Variants in AUTS2 observed in about 807,000 individuals in gnomAD.
The protein encoded by AUTS2 is autism susceptibility gene 2 protein.
AUTS2 carries 17 observed loss-of-function variants against 112.4 expected under a neutral mutation model. That is an observed-to-expected ratio of 0.15 (90% CI 0.10 to 0.23). The LOEUF is 0.23. Ranked by LOEUF, AUTS2 falls within the 10% of genes least tolerant of loss-of-function variation. AUTS2 has a pLI of 1.00. For missense variants in AUTS2, 1,510 were observed against 1,701.6 expected, an observed-to-expected ratio of 0.89 and a Z score of 1.98; for synonymous variants, 751 against 702.7, an observed-to-expected ratio of 1.07 and a Z score of -1.09.
intron 5 of AUTS2, among the ~76,000 whole-genome samples, chr7:70,514,920 C>A (rs985501795): frequency 2.0e-5 from 3 of 152,178 alleles, no homozygotes; most frequent in African/African-American, 4.8e-5. Flanking sequence ...TCTTTTTACA[C>A]ATTTATAGGC....
Position 70,682,319 on chromosome 7 carries a change from A to G in AUTS2, c.691-16250A>G, listed in dbSNP as rs115473447. Among the ~76,000 whole-genome samples, 988 of 152,338 alleles carry G rather than the reference A, an allele frequency of 6.5e-3. 11 individuals are homozygous for G. The highest frequency in any genetic ancestry group is 0.02 in the African/African-American group (851 of 41,578). On this transcript the variant is annotated intron_variant, in intron 5 of 18. Transcript: ENST00000342771. ...GTTTTGGATAAAAGAAGGGATTACT[A>G]AAGACTTTTTAGTTGTACAAACATT...
intron 4 of AUTS2, among the ~76,000 whole-genome samples, chr7:70,177,631 C>T (rs1325155878): frequency 1.3e-5 from 2 of 152,074 alleles, no homozygotes; most frequent in African/African-American, 4.8e-5. Flanking sequence ...AATGAGGGAG[C>T]AGACATTTGA....
At chr7:70,302,334 G>C (rs1266190920) in intron 4 of AUTS2, among the ~76,000 whole-genome samples, 1 of 151,990 alleles carries the variant, frequency 6.6e-6, no homozygotes, top group Non-Finnish European at 1.5e-5. Flanking sequence ...AAGCTGGGGA[G>C]ATTGAGGCTG....
rs541911623 is a variant in AUTS2, at chr7:70,528,720, G to A, written c.690+92939G>A. Among the ~76,000 whole-genome samples the A allele has an allele frequency of 8.6e-5, 13 of 151,972 alleles. No homozygotes were observed. In the South Asian group the frequency reaches 2.7e-3, roughly 32 times the overall value. ...GAGCCCAGGAGATCGAGGCTGTAGG[G>A]TGCTAGTTCAGGGCTGTTGTGCACT... On this transcript the variant is annotated intron_variant, in intron 5 of 18. Coordinates refer to ENST00000342771, the MANE Select transcript of AUTS2 (RefSeq NM_015570.4).
intron 4 of AUTS2, among the ~76,000 whole-genome samples, chr7:70,391,011 T>C (rs1428601001): frequency 1.3e-5 from 2 of 152,204 alleles, no homozygotes; most frequent in African/African-American, 4.8e-5. Context: ...GTGAAGGAAC[T>C]GAATGCCCTA....
chr7:70,597,747 A>G (rs1218733018), intron 5 of AUTS2, among the ~76,000 whole-genome samples: 1 of 152,192 alleles, frequency 6.6e-6, no homozygotes, highest in Non-Finnish European at 1.5e-5. Flanking sequence ...TGGGATGCAC[A>G]TATTTATTTC....
chr7:69,628,599 G>A (rs1794072468), intron 1 of AUTS2, among the ~76,000 whole-genome samples: 1 of 152,252 alleles, frequency 6.6e-6, no homozygotes, highest in Middle Eastern at 3.4e-3. Context: ...AGCATGGCTG[G>A]GGAGGCCTCA....
intron 1 of AUTS2, among the ~76,000 whole-genome samples, chr7:69,640,917 T>C (rs1335635883): frequency 1.3e-5 from 2 of 152,256 alleles, no homozygotes; most frequent in South Asian, 2.1e-4. Context: ...GGTAGACTTG[T>C]AGATTTTTTT....
chr7:70,003,051 A>G (rs908909103), intron 2 of AUTS2, among the ~76,000 whole-genome samples: 2 of 149,970 alleles, frequency 1.3e-5, no homozygotes, highest in Non-Finnish European at 3.0e-5. Flanking sequence ...AGCATCTTTC[A>G]AAGAGTAGGG....
intron 1 of AUTS2, among the ~76,000 whole-genome samples, chr7:69,748,566 G>A (rs1229839042): frequency 6.6e-6 from 1 of 152,132 alleles, no homozygotes; most frequent in African/African-American, 2.4e-5. Context: ...CAATCAGCTA[G>A]GTAGAGATAA....
chr7:69,929,424 G>A (rs1796146227), intron 2 of AUTS2, among the ~76,000 whole-genome samples: 1 of 151,296 alleles, frequency 6.6e-6, no homozygotes, highest in Admixed American at 6.6e-5. Flanking sequence ...GGAAATTTTG[G>A]GTTATTATTT....
chr7:70,411,845 A>G (rs912300551), intron 4 of AUTS2, among the ~76,000 whole-genome samples: 1 of 151,968 alleles, frequency 6.6e-6, no homozygotes, highest in African/African-American at 2.4e-5. Flanking sequence ...TTTGGGAAAC[A>G]GGACAAAACA....
At chr7:69,990,030 G>A (rs1474766664) in intron 2 of AUTS2, among the ~76,000 whole-genome samples, 2 of 152,160 alleles carry the variant, frequency 1.3e-5, no homozygotes, top group African/African-American at 2.4e-5. Flanking sequence ...TGAAACCGGT[G>A]CCTGATGCCA....
chr7:69,777,191 C>T (rs573584600), intron 1 of AUTS2, among the ~76,000 whole-genome samples: 1 of 152,300 alleles, frequency 6.6e-6, no homozygotes, highest in African/African-American at 2.4e-5. Flanking sequence ...CTGGAGAAGG[C>T]TGCCAGTATG....
chr7:70,665,451 C>CTATTTATTTATTTATTTATT (rs140760249), intron 5 of AUTS2, among the ~76,000 whole-genome samples: 130 of 147,118 alleles, frequency 8.8e-4, no homozygotes, highest in African/African-American at 2.1e-3. Flanking sequence ...ATCTATTTAT[C>CTATTTATTTATTTATTTATT]TATTTATTTA....
chr7:70,173,313 G>A (rs1034342395), intron 4 of AUTS2, among the ~76,000 whole-genome samples: 22 of 151,126 alleles, frequency 1.5e-4, no homozygotes, highest in African/African-American at 5.4e-4. Context: ...GTGAGCCGAG[G>A]TCGTGCCACT....
intron 2 of AUTS2, among the ~76,000 whole-genome samples, chr7:69,956,366 TTTAA>T (rs1797210222): frequency 1.3e-5 from 2 of 152,096 alleles, no homozygotes; most frequent in African/African-American, 4.8e-5. Flanking sequence ...AAACTGAAAG[TTTAA>T]TTATATATGC....
chr7:70,481,098 G>A (rs2214714), intron 5 of AUTS2, among the ~76,000 whole-genome samples: 84,735 of 152,058 alleles, frequency 0.56, 24,686 homozygotes, highest in African/African-American at 0.73. Flanking sequence ...AATGCCTGGC[G>A]GAGAAACCTA....
At chr7:70,203,607 A>T (rs1322188945) in intron 4 of AUTS2, among the ~76,000 whole-genome samples, 2 of 147,806 alleles carry the variant, frequency 1.4e-5, no homozygotes, top group African/African-American at 5.0e-5. Flanking sequence ...AAGTAGGGGG[A>T]TATATAGAAA....
Sources: gnomAD v4.1 joint callset for allele counts (sites outside exome capture counted in the v4.1 genomes callset) on GRCh38, gnomAD v4.1.1 for gene constraint, MANE v1.5 for transcripts, NCBI Gene and HGNC (gene_info 2026-07-23, HGNC 2026-07-21) for gene names.